MED23: variants seen among roughly 807,000 people sequenced by gnomAD.
MED23 encodes the protein mediator of RNA polymerase II transcription subunit 23.
A neutral mutation model predicts 163.9 loss-of-function variants in MED23; 105 were observed. The ratio of observed to expected loss-of-function variants is 0.64; its 90% CI spans 0.55 to 0.75. The LOEUF is 0.75. MED23 is among the 30% of genes least tolerant of loss of function. The probability of loss-of-function intolerance (pLI) is 0.00; values close to 1 mark genes in which losing one functional copy is unlikely to be tolerated. For synonymous variants in MED23, 561 were observed against 565.6 expected, an observed-to-expected ratio of 0.99 and a Z score of 0.12; for missense variants, 1,054 against 1,649.0, an observed-to-expected ratio of 0.64 and a Z score of 6.25.
Position 131,598,312 on chromosome 6 carries a change from G to GT in MED23, c.2581dup (p.Thr861AsnfsTer13), listed in dbSNP as rs1475692873. The GT allele has an allele frequency of 6.2e-7, 1 of 1,613,558 alleles. No individual in the cohort carries two copies. Among genetic ancestry groups the GT allele is most frequent in the Non-Finnish European group, 8.5e-7 (1 of 1,179,648 alleles). ...CAGGCAGAGAATTAATCTGTCCAGT[G>GT]TAACAATGTTATACTTCCATACCAT... On this transcript the variant is annotated frameshift_variant, in exon 20 of 29. Coordinates refer to ENST00000368068, the MANE Select transcript of MED23 (RefSeq NM_004830.4). LOFTEE classifies it high-confidence loss of function. The surrounding 1 kb of genome is among the most constrained non-coding windows in gnomAD (Gnocchi z 4.7).
Position 131,621,927 on chromosome 6 carries a change from T to C in MED23, c.449A>G (p.Asn150Ser), listed in dbSNP as rs377436817. The C allele has an allele frequency of 6.8e-6, 11 of 1,613,728 alleles. No individual in the cohort carries two copies. In the African/African-American group the frequency reaches 1.5e-4, roughly 22 times the overall value. The part of the protein sequence containing the change: ...VILEKILTIP[N>S]TVSSAVVQQL... Reference sequence around the variant, plus strand: ...CTGTACAACAGCAGAGCTCACTGTATTAGGAATTGTCAAAATCTTCTCCAA... The same window carrying C: ...CTGTACAACAGCAGAGCTCACTGTACTAGGAATTGTCAAAATCTTCTCCAA... Residue 150 changes from asparagine (N) to serine (S), a missense_variant, in exon 6 of 29, where the codon AAT becomes AGT. This residue lies in a region of MED23 where 227 missense variants were observed against 235.5 expected (regional missense o/e 0.96). Coordinates refer to ENST00000368068, the MANE Select transcript of MED23 (RefSeq NM_004830.4).
In MED23 at chr6:131,628,155, A is replaced by G. The variant is rs1777659268; in HGVS notation, c.-106T>C. On this transcript the variant is annotated 5_prime_UTR_variant, in exon 1 of 29. Transcript: ENST00000368068. The stretch of plus-strand genomic sequence containing the variant: ...GGCGGAGACCTCTGGAGGAAACCGT[A>G]GCTCCTCGGCGTCGCTTCCTCCCCC... 3.0e-6 allele frequency: 4 copies of G among 1,349,610 alleles called. No individual in the cohort carries two copies. The highest frequency in any genetic ancestry group is 3.2e-6 in the Non-Finnish European group (3 of 948,706). 83.6% of individuals were successfully genotyped at this position (1,349,610 alleles called of 1,614,324 possible).
chr6:131,575,955 T>C (rs1305354074), intron 30 of MED23, among the ~76,000 whole-genome samples: 1 of 152,216 alleles, frequency 6.6e-6, no homozygotes. Context: ...CCAAGAGCTC[T>C]AGCTTACTTA....
At chr6:131,603,746 CTA>C (rs760641317) in intron 15 of MED23, among the ~76,000 whole-genome samples, 44 of 148,158 alleles carry the variant, frequency 3.0e-4, no homozygotes, top group Middle Eastern at 3.6e-3. Flanking sequence ...TATTTTAGAA[CTA>C]TATAATAAAT....
chr6:131,621,865 G>GA lies in MED23; in HGVS notation c.495+15dup, dbSNP rs146793642. The GA allele has an allele frequency of 2.4e-3, 3,827 of 1,569,622 alleles. 79 individuals carry two copies. In the African/African-American group the frequency reaches 0.044, roughly 18 times the overall value. ...TTTGAGGTTATGATCACGAATTTCA[G>GA]ACATGTCTAAATTACCTCTCTTGCT... On this transcript the variant is annotated intron_variant, in intron 6 of 28. Transcript: ENST00000368068.
intron 4 of MED23, 98 bp from the exon 5 acceptor site, chr6:131,623,560 C>G: frequency 1.1e-6 from 1 of 925,334 alleles, no homozygotes; most frequent in Non-Finnish European, 1.8e-6. Context: ...ACACAAATCT[C>G]ATCTTGAATT....
At chr6:131,583,206 A>AAAGGTTGCTACT, downstream of MED23, 2 of 1,598,932 alleles carry the variant, frequency 1.3e-6, no homozygotes, top group Non-Finnish European at 1.7e-6. Flanking sequence ...GTGCAACAGA[A>AAAGGTTGCTACT]AAGGTTGCTA....
chr6:131,574,299 C>A (rs1234352916), intron 30 of MED23: 1 of 1,613,784 alleles, frequency 6.2e-7, no homozygotes, highest in African/African-American at 1.3e-5. Context: ...CTTTTTACTG[C>A]AAAACAAATT....
chr6:131,603,528 C>T (rs564870265), intron 15 of MED23, among the ~76,000 whole-genome samples: 2 of 152,146 alleles, frequency 1.3e-5, no homozygotes, highest in South Asian at 4.2e-4. Flanking sequence ...AATTAATGTT[C>T]CATACCTTTT....
chr6:131,619,797 T>C, intron 8 of MED23, 30 bp downstream of exon 8: 1 of 1,482,014 alleles, frequency 6.7e-7, no homozygotes, highest in Non-Finnish European at 9.4e-7. Context: ...AATCAGGTAC[T>C]ATTTGGCATA....
At chr6:131,594,492 G>C (rs185619598) in intron 22 of MED23, among the ~76,000 whole-genome samples, 157 bp from the exon 23 acceptor site, 2 of 152,330 alleles carry the variant, frequency 1.3e-5, no homozygotes, top group African/African-American at 4.8e-5. Flanking sequence ...ATTTTAATCT[G>C]AGGAGAGGCA....
chr6:131,607,023 A>G (rs1775901076), intron 12 of MED23, among the ~76,000 whole-genome samples: 1 of 152,132 alleles, frequency 6.6e-6, no homozygotes, highest in Admixed American at 6.5e-5. Context: ...ATAATTTTTA[A>G]GAACAGATAA....
chr6:131,597,995 T>TGA (rs1562378422), intron 20 of MED23, among the ~76,000 whole-genome samples: 2 of 152,034 alleles, frequency 1.3e-5, no homozygotes, highest in Admixed American at 1.3e-4. Flanking sequence ...CTCAGGAGGC[T>TGA]GAGGCAGGAG....
intron 28 of MED23, among the ~76,000 whole-genome samples, chr6:131,589,076 G>A (rs930930028): frequency 3.3e-5 from 5 of 152,188 alleles, no homozygotes; most frequent in African/African-American, 9.6e-5. Flanking sequence ...TTATGCCGCG[G>A]TTTGTCTACT....
chr6:131,627,809 C>T, intron 1 of MED23, 137 bp from the exon 2 acceptor site: 7 of 1,045,592 alleles, frequency 6.7e-6, no homozygotes, highest in Non-Finnish European at 8.8e-6. Flanking sequence ...TGGCCTGTCA[C>T]TGTATCGATT....
chr6:131,619,697 A>G, intron 8 of MED23, 130 bp downstream of exon 8: 1 of 698,144 alleles, frequency 1.4e-6, no homozygotes, highest in Non-Finnish European at 2.5e-6. Context: ...GCATTATATT[A>G]AGCTCTTAGA....
intron 24 of MED23, 184 bp downstream of exon 24, chr6:131,592,822 G>C: frequency 1.4e-6 from 1 of 703,556 alleles, no homozygotes; most frequent in Non-Finnish European, 2.4e-6. Flanking sequence ...CCGGATCTTA[G>C]GATCCTGTCC....
intron 15 of MED23, among the ~76,000 whole-genome samples, chr6:131,603,484 ATCT>A (rs1286065883): frequency 6.6e-6 from 1 of 151,946 alleles, no homozygotes; most frequent in African/African-American, 2.4e-5. Context: ...AAAAACATTA[ATCT>A]TCTCAATTCT....
At chr6:131,624,840 G>T in intron 4 of MED23, 25 bp downstream of exon 4, 1 of 1,613,120 alleles carries the variant, frequency 6.2e-7, no homozygotes, top group Non-Finnish European at 8.5e-7. Context: ...AAATTCTTCA[G>T]ATTGCTCATA....
Sources: gnomAD v4.1 joint callset for allele counts (sites outside exome capture counted in the v4.1 genomes callset) on GRCh38, gnomAD v4.1.1 for gene constraint, gnomAD v4.1.1 regional missense constraint, Gnocchi (gnomAD v3.1) non-coding constraint, MANE v1.5 for transcripts, NCBI Gene and HGNC (gene_info 2026-07-23, HGNC 2026-07-21) for gene names.